Variants in IQSEC1 observed in about 807,000 individuals in gnomAD.
IQSEC1 encodes the protein IQ motif and Sec7 domain ArfGEF 1, also known as IQ motif and SEC7 domain-containing protein 1.
Under a neutral mutation model 91.0 loss-of-function variants are expected in IQSEC1, and 31 were observed. The observed-to-expected ratio is 0.34, with a 90% CI of 0.26 to 0.46. The LOEUF (loss-of-function observed/expected upper bound fraction) is 0.46. Ranked by LOEUF, IQSEC1 falls within the 20% of genes least tolerant of loss-of-function variation. The pLI, the probability that IQSEC1 is intolerant of heterozygous loss-of-function variation, is 1.00. For missense variants in IQSEC1, 1,388 were observed against 1,575.6 expected (o/e 0.88, Z 2.02); for synonymous variants, 699 against 662.6 (o/e 1.05, Z -0.84).
In IQSEC1 at chr3:12,940,665, C is replaced by A. The variant is rs3773327; in HGVS notation, c.318+906G>T. 1.3e-5 allele frequency among the ~76,000 whole-genome samples: 2 copies of A among 152,176 alleles called. No homozygotes were observed. The highest frequency in any genetic ancestry group is 3.9e-4 in the East Asian group (2 of 5,140). ...GACAGCCCTCCCCAGCCTGCCCCTG[C>A]AAGCTTGCAGAACTGCTGCCTGGGA... On this transcript the variant is annotated intron_variant, in intron 2 of 13. Coordinates refer to ENST00000613206, the MANE Select transcript of IQSEC1 (RefSeq NM_001134382.3). The surrounding 1 kb of genome is among the most constrained non-coding windows in gnomAD (Gnocchi z 4.4).
intron 1 of IQSEC1, among the ~76,000 whole-genome samples, chr3:13,009,797 C>G (rs910117472): frequency 7.2e-5 from 11 of 152,076 alleles, no homozygotes; most frequent in African/African-American, 2.7e-4. Context: ...CACACCACAG[C>G]TCTATGTCTT....
intron 1 of IQSEC1, among the ~76,000 whole-genome samples, chr3:13,017,918 C>T (rs1703216577): frequency 6.6e-6 from 1 of 152,086 alleles, no homozygotes; most frequent in Non-Finnish European, 1.5e-5. Context: ...CTGGGCTCTT[C>T]CCGGAGATAG....
In IQSEC1 at chr3:13,236,957, C is replaced by T. The variant is rs1209045268; in HGVS notation, c.272+45754G>A. Among the ~76,000 whole-genome samples the T allele has an allele frequency of 2.0e-5, 3 of 152,364 alleles. No homozygotes were observed. The East Asian group carries it at 5.8e-4, about 29-fold the overall frequency. ...GCTTGTCTGAGGCCGAGGGCCCGGC[C>T]CGGGCGCACTGGGTGGCCCCACACC... On this transcript the variant is annotated intron_variant, in intron 1 of 15. Transcript: ENST00000648114.
intron 1 of IQSEC1, among the ~76,000 whole-genome samples, chr3:13,039,940 C>T (rs901348206): frequency 1.3e-5 from 2 of 152,232 alleles, no homozygotes; most frequent in African/African-American, 4.8e-5. Flanking sequence ...CTTGGACAAG[C>T]TACTTCTCCC....
chr3:13,192,963 C>T (rs1694062851), intron 1 of IQSEC1, among the ~76,000 whole-genome samples: 1 of 152,252 alleles, frequency 6.6e-6, no homozygotes. Flanking sequence ...CTCACGCTGG[C>T]ATCCAGGACC....
At position 12,901,015 on chromosome 3, in the gene IQSEC1, C is replaced by T. The variant is rs1428738684; in HGVS notation, c.3313G>A (p.Ala1105Thr). The T allele has an allele frequency of 3.2e-6, 5 of 1,545,228 alleles. No individual in the cohort carries two copies. The South Asian group carries it at 3.6e-5, about 11-fold the overall frequency. The part of the protein sequence containing the change: ...PAPPPPTSSK[A>T]KPSGISTIV ...ATTGTGCTGATGCCGCTGGGTTTGG[C>T]CTTGCTGCTGGTGGGGGGCGGCGGG... The change falls in exon 14 of 14, where the codon GCC (alanine) becomes ACC (threonine). Residue 1105 changes from alanine (A) to threonine (T), a missense_variant. Ala to Thr is a moderately conservative substitution (Grantham distance 58). Around this residue, in one of 2 missense-constraint regions of IQSEC1, gnomAD observed 329 missense variants for 257.8 expected, o/e 1.28. Transcript: ENST00000613206.
chr3:12,904,028 G>A (rs1694685532), intron 12 of IQSEC1, among the ~76,000 whole-genome samples: 1 of 152,242 alleles, frequency 6.6e-6, no homozygotes, highest in Non-Finnish European at 1.5e-5. Flanking sequence ...CAGGAGCCTG[G>A]AAGAAGGAAG....
chr3:13,069,017 G>A (rs1705326662), intron 1 of IQSEC1, among the ~76,000 whole-genome samples: 1 of 152,350 alleles, frequency 6.6e-6, no homozygotes, highest in East Asian at 1.9e-4. Context: ...CCCAGGCCTG[G>A]TTATGCGGCC....
intron 2 of IQSEC1, among the ~76,000 whole-genome samples, chr3:13,139,496 C>A (rs1706764844): frequency 1.3e-5 from 2 of 152,196 alleles, no homozygotes; most frequent in South Asian, 4.1e-4. Flanking sequence ...GGGCCACAGT[C>A]CCTAATCACT....
intron 1 of IQSEC1, among the ~76,000 whole-genome samples, chr3:12,960,804 C>T (rs149887221): frequency 1.1e-3 from 160 of 152,354 alleles, no homozygotes; most frequent in Non-Finnish European, 1.7e-3. Context: ...CCACCAAAAA[C>T]AGTTGAGGCT....
intron 1 of IQSEC1, among the ~76,000 whole-genome samples, chr3:12,950,050 CCCACTATG>C (rs1197721009): frequency 6.6e-6 from 1 of 152,206 alleles, no homozygotes; most frequent in Non-Finnish European, 1.5e-5. Context: ...CGTATGCTCA[CCCACTATG>C]CCACTATGCG....
intron 1 of IQSEC1, among the ~76,000 whole-genome samples, chr3:13,001,500 C>T (rs1576145253): frequency 2.0e-5 from 3 of 152,216 alleles, no homozygotes; most frequent in African/African-American, 7.2e-5. Context: ...CGCTGCTACA[C>T]TGGAAGGTCC....
chr3:12,939,829 G>C (rs996686718), intron 2 of IQSEC1, among the ~76,000 whole-genome samples: 3 of 152,094 alleles, frequency 2.0e-5, no homozygotes, highest in African/African-American at 7.2e-5. Flanking sequence ...CCAATGTTTA[G>C]AATCCCTAGA....
chr3:13,191,193 AC>A (rs1359179678), intron 1 of IQSEC1, among the ~76,000 whole-genome samples: 1 of 152,216 alleles, frequency 6.6e-6, no homozygotes, highest in African/African-American at 2.4e-5. Context: ...CAGAAGCCTG[AC>A]AGTCTGTGCC....
rs1376091508 is a variant in IQSEC1, at chr3:12,897,296, G to GACAA, written c.*3683_*3686dup. 6.6e-6 allele frequency: 1 copy of GACAA among 152,242 alleles called. No individual in the cohort carries two copies. The highest frequency in any genetic ancestry group is 2.4e-5 in the African/African-American group (1 of 41,464). The allele number at this position is 152,242 out of a possible 1,614,324, so 9.4% of individuals were successfully genotyped here. On this transcript the variant is annotated 3_prime_UTR_variant, in exon 14 of 14. Transcript: ENST00000613206. ...TACATTGATAGAGTCTGTTGCCACT[G>GACAA]ACAAACAGAATGCAGATGAAAACAA... is the stretch of plus-strand genomic sequence containing the variant.
rs899754273 is a variant in IQSEC1 at position 12,970,847 on chromosome 3, A to G, written c.24-28982T>C. 6.6e-6 allele frequency among the ~76,000 whole-genome samples: 1 copy of G among 152,302 alleles called. No homozygotes were observed. The highest frequency in any genetic ancestry group is 2.1e-4 in the South Asian group (1 of 4,832). The stretch of plus-strand genomic sequence containing the variant: ...CTGCACCTGCTTGCTTATACCAGTG[A>G]GCTGTATTCCAACTGCCAGGGCTGG... On this transcript the variant is annotated intron_variant, in intron 1 of 13. Coordinates refer to ENST00000613206, the MANE Select transcript of IQSEC1 (RefSeq NM_001134382.3). This position sits in a 1 kb window ranked among gnomAD's most constrained non-coding sequence, Gnocchi z 4.4.
intron 1 of IQSEC1, among the ~76,000 whole-genome samples, chr3:13,016,592 TG>T (rs1427872454): frequency 1.3e-5 from 2 of 152,214 alleles, no homozygotes; most frequent in African/African-American, 4.8e-5. Context: ...TCCTCCTCTG[TG>T]CTCCTCCTGC....
chr3:13,271,584 T>G (rs1298329930), intron 1 of IQSEC1, among the ~76,000 whole-genome samples: 1 of 152,062 alleles, frequency 6.6e-6, no homozygotes, highest in Non-Finnish European at 1.5e-5. Context: ...TAACTTTAAG[T>G]CAGGAGTTCA....
chr3:13,198,691 T>A (rs1694179892), intron 1 of IQSEC1, among the ~76,000 whole-genome samples: 1 of 152,144 alleles, frequency 6.6e-6, no homozygotes, highest in African/African-American at 2.4e-5. Context: ...TTACACACCA[T>A]GTGACCATGG....
Sources: allele counts gnomAD v4.1 joint callset (sites outside exome capture counted in the v4.1 genomes callset), GRCh38; gene constraint gnomAD v4.1.1; regional missense constraint gnomAD v4.1.1; non-coding constraint Gnocchi (gnomAD v3.1); transcripts MANE v1.5; gene names NCBI Gene and HGNC (gene_info 2026-07-23, HGNC 2026-07-21).